C20orf96: variants seen among roughly 807,000 people sequenced by gnomAD.
The protein encoded by C20orf96 is chromosome 20 open reading frame 96, also known as uncharacterized protein C20orf96.
In C20orf96, 57 loss-of-function variants were observed where a neutral mutation model predicts 52.6. The ratio of observed to expected loss-of-function variants is 1.08; its 90% CI spans 0.88 to 1.35. The LOEUF is 1.35. Among genes scored for constraint, C20orf96 ranks in the 40% most tolerant of loss-of-function variants. The pLI is 0.00. For missense variants in C20orf96, 478 were observed against 443.6 expected, an observed-to-expected ratio of 1.08 and a Z score of -0.70; for synonymous variants, 168 against 157.2, an observed-to-expected ratio of 1.07 and a Z score of -0.51.
intron 4 of C20orf96, 96 bp downstream of exon 4, chr20:283,867 A>G (rs1441207658): frequency 1.2e-6 from 1 of 853,044 alleles, no homozygotes; most frequent in African/African-American, 1.7e-5. Flanking sequence ...AAATGAGTCA[A>G]GTCTGGCACC....
intron 4 of C20orf96, among the ~76,000 whole-genome samples, chr20:279,999 G>T (rs901162265): frequency 6.6e-6 from 1 of 152,036 alleles, no homozygotes; most frequent in African/African-American, 2.4e-5. Flanking sequence ...AACGCCCCAG[G>T]TAGGTTAAGA....
chr20:271,632 A>G (rs2011844554), intron 10 of C20orf96, among the ~76,000 whole-genome samples: 1 of 152,178 alleles, frequency 6.6e-6, no homozygotes, highest in Non-Finnish European at 1.5e-5. Flanking sequence ...GACAGGTTTG[A>G]TAACTTTGAC....
intron 1 of C20orf96, 40 bp downstream of exon 1, chr20:290,551 G>T (rs1016832268): frequency 6.3e-7 from 1 of 1,590,528 alleles, no homozygotes. Context: ...TGCGTATTCC[G>T]CCTTTCTTCC....
At chr20:278,900 G>C (rs1453798901) in intron 5 of C20orf96, among the ~76,000 whole-genome samples, 1 of 84,590 alleles carries the variant, frequency 1.2e-5, no homozygotes, top group Non-Finnish European at 2.2e-5. Flanking sequence ...GCAGTGGGCG[G>C]GGAAAGGCAG....
chr20:289,750 C>G (rs1384293155), intron 2 of C20orf96, 74 bp from the exon 3 acceptor site: 1 of 1,238,346 alleles, frequency 8.1e-7, no homozygotes, highest in Non-Finnish European at 1.2e-6. Context: ...ATATCTGTGA[C>G]CCCAAGCAAG....
chr20:283,297 T>G (rs77514702), intron 4 of C20orf96, among the ~76,000 whole-genome samples: 6,829 of 152,240 alleles, frequency 0.045, 530 homozygotes, highest in African/African-American at 0.15. Flanking sequence ...TAAGAAAATT[T>G]AATTTACTGG....
chr20:282,052 C>T (rs995574862), intron 4 of C20orf96, among the ~76,000 whole-genome samples: 2 of 152,174 alleles, frequency 1.3e-5, no homozygotes, highest in African/African-American at 2.4e-5. Flanking sequence ...GAAGTCTTGC[C>T]TCCTAGCCAC....
chr20:287,737 T>TGTCTCTA (rs2012422731), intron 3 of C20orf96, among the ~76,000 whole-genome samples: 1 of 152,038 alleles, frequency 6.6e-6, no homozygotes, highest in African/African-American at 2.4e-5. Context: ...GAGACCAGCC[T>TGTCTCTA]GTCTCTACTA....
intron 6 of C20orf96, 93 bp from the exon 7 acceptor site, chr20:277,476 T>G: frequency 4.5e-6 from 6 of 1,343,764 alleles, no homozygotes; most frequent in Non-Finnish European, 5.2e-6. Flanking sequence ...AAGGTCTCCT[T>G]GGCCAGTAAC....
chr20:288,213 A>G (rs1199635039), intron 3 of C20orf96, among the ~76,000 whole-genome samples: 2 of 99,216 alleles, frequency 2.0e-5, no homozygotes, highest in Admixed American at 1.2e-4. Context: ...TGGGTGTCCA[A>G]TTGCTCCAGC....
chr20:288,158 C>CTTTCTTTTTCTT (rs1259666441), intron 3 of C20orf96, among the ~76,000 whole-genome samples: 13,999 of 84,800 alleles, frequency 0.17, 1,964 homozygotes, highest in East Asian at 0.22. Context: ...TAAATCATTT[C>CTTTCTTTTTCTT]TTTCTTTTTC....
chr20:284,980 T>TA (rs2053521055), intron 3 of C20orf96, among the ~76,000 whole-genome samples: 1 of 152,218 alleles, frequency 6.6e-6, no homozygotes, highest in Admixed American at 6.5e-5. Flanking sequence ...AAAATGGGAA[T>TA]AATCATCACG....
At chr20:280,489 C>A (rs1600188152) in intron 4 of C20orf96, among the ~76,000 whole-genome samples, 5 of 152,356 alleles carry the variant, frequency 3.3e-5, no homozygotes, top group Admixed American at 3.3e-4. Flanking sequence ...TCTGTTCACC[C>A]TCCAACAGCT....
Position 276,062 on chromosome 20 carries a change from T to G in C20orf96, c.937A>C (p.Met313Leu). 1.2e-6 allele frequency: 2 copies of G among 1,614,126 alleles called. No homozygotes were observed. The highest frequency in any genetic ancestry group is 2.2e-5 in the South Asian group (2 of 91,080). Residue 313 changes from methionine to leucine, a missense_variant, in exon 10 of 11, where the codon ATG becomes CTG. By Grantham distance (15) the Met-to-Leu change is conservative. Transcript: ENST00000360321. Reference sequence around the variant, plus strand: ...TCCACCTCGGCCCTTAATACAGGCATGTTCTCCTCAAACTGGTCAATAATC... The same window carrying G: ...TCCACCTCGGCCCTTAATACAGGCAGGTTCTCCTCAAACTGGTCAATAATC... ...REIIDQFEEN[M>L]PVLRAEVEEL...
At chr20:285,190 C>T (rs989116808) in intron 3 of C20orf96, among the ~76,000 whole-genome samples, 3 of 152,226 alleles carry the variant, frequency 2.0e-5, no homozygotes, top group Non-Finnish European at 4.4e-5. Flanking sequence ...CTCTGAAACA[C>T]TCTAAGGGCT....
chr20:287,526 T>C (rs1319555773), intron 3 of C20orf96, among the ~76,000 whole-genome samples: 2 of 152,222 alleles, frequency 1.3e-5, no homozygotes, highest in African/African-American at 2.4e-5. Context: ...TGTTTCACTG[T>C]TGAGTTTTTA....
intron 10 of C20orf96, among the ~76,000 whole-genome samples, chr20:273,064 T>C (rs995801742): frequency 6.6e-6 from 1 of 152,154 alleles, no homozygotes; most frequent in Non-Finnish European, 1.5e-5. Context: ...AACCTCTGTC[T>C]CTAGGGCTCA....
chr20:288,787 AG>A (rs755208645), intron 3 of C20orf96, among the ~76,000 whole-genome samples: 111 of 152,352 alleles, frequency 7.3e-4, no homozygotes, highest in Middle Eastern at 6.8e-3. Context: ...TGTATACATA[AG>A]TATGCTAGAT....
intron 4 of C20orf96, among the ~76,000 whole-genome samples, chr20:283,016 T>C (rs571606096): frequency 1.3e-5 from 2 of 152,362 alleles, no homozygotes; most frequent in African/African-American, 4.8e-5. Flanking sequence ...GTTCTTTATA[T>C]AGTAGTCATT....
Sources: gnomAD v4.1 joint callset for allele counts (sites outside exome capture counted in the v4.1 genomes callset) on GRCh38, gnomAD v4.1.1 for gene constraint, MANE v1.5 for transcripts, NCBI Gene and HGNC (gene_info 2026-07-23, HGNC 2026-07-21) for gene names.